Variants in TCF3 observed in about 807,000 individuals in gnomAD.
TCF3 encodes the protein transcription factor 3.
A neutral mutation model predicts 72.3 loss-of-function variants in TCF3; 54 were observed. That is an observed-to-expected ratio of 0.75 (90% CI 0.60 to 0.94). The LOEUF (loss-of-function observed/expected upper bound fraction) is 0.94. Ranked by LOEUF, TCF3 falls within the 40% of genes least tolerant of loss-of-function variation. TCF3 has a pLI of 0.00. For synonymous variants in TCF3, 525 were observed against 412.6 expected (o/e 1.27, Z -3.30); for missense variants, 1,078 against 934.4 (o/e 1.15, Z -2.00).
intron 13 of TCF3, 135 bp from the exon 14 acceptor site, chr19:1,619,988 C>G: frequency 1.3e-6 from 1 of 766,482 alleles, no homozygotes; most frequent in South Asian, 1.8e-5. Context: ...TTCCGGGGCA[C>G]CCCACACTGA....
At chr19:1,624,372 G>C (rs1401520276) in intron 7 of TCF3, among the ~76,000 whole-genome samples, 1 of 152,094 alleles carries the variant, frequency 6.6e-6, no homozygotes, top group Non-Finnish European at 1.5e-5. Flanking sequence ...CTCCAGCCTG[G>C]GGACAGAGAA....
Position 1,614,649 on chromosome 19 carries a change from G to A in TCF3, c.1822+636C>T, listed in dbSNP as rs117954123. On this transcript the variant is annotated intron_variant, in intron 18 of 18. Transcript: ENST00000262965. This position sits in a 1 kb window ranked among gnomAD's most constrained non-coding sequence, Gnocchi z 5.6. ...GAGAAAGGGTTAACGGGGTGCAGGC[G>A]AGGAAAGGAAGGAGTTAAGGAAGCA... 9.9e-3 allele frequency among the ~76,000 whole-genome samples: 1,509 copies of A among 152,292 alleles called. 42 individuals are homozygous for A. The highest frequency in any genetic ancestry group is 0.01 in the Non-Finnish European group (685 of 68,016).
At position 1,646,335 on chromosome 19, in the gene TCF3, G is replaced by C; in HGVS notation, c.145+20C>G. 6.5e-7 allele frequency: 1 copy of C among 1,549,530 alleles called. No homozygotes were observed. ...TGATCTCCTCACTCCACGAGCGCTG[G>C]CAGGAAGGCGGGGTCCTACCTGAAC... On this transcript the variant is annotated intron_variant, in intron 3 of 18. Transcript: ENST00000262965.
At chr19:1,650,691 A>T in intron 1 of TCF3, 1 of 236,068 alleles carries the variant, frequency 4.2e-6, no homozygotes, top group East Asian at 6.1e-5. Context: ...TACCCCCGGG[A>T]AAGGGAGGAA....
chr19:1,649,511 G>A (rs2066665650), intron 2 of TCF3, among the ~76,000 whole-genome samples: 1 of 152,220 alleles, frequency 6.6e-6, no homozygotes, highest in Admixed American at 6.5e-5. Context: ...CAGGGCTCAA[G>A]TGATTCTCCT....
At chr19:1,648,828 G>T (rs943821396) in intron 2 of TCF3, among the ~76,000 whole-genome samples, 38 of 151,678 alleles carry the variant, frequency 2.5e-4, no homozygotes, top group Non-Finnish European at 2.9e-4. Context: ...GGGGGGGGGG[G>T]GGGAGCAGAA....
Position 1,615,714 on chromosome 19 carries a change from CCTT to C in TCF3, c.1555_1557del (p.Lys519del), listed in dbSNP as rs745997653. On this transcript the variant is annotated inframe_deletion, in exon 17 of 19. Coordinates refer to ENST00000262965, the MANE Select transcript of TCF3 (RefSeq NM_003200.5). The surrounding 1 kb of genome is among the most constrained non-coding windows in gnomAD (Gnocchi z 7.3). Reference sequence around the variant, plus strand: ...GTCCGGGCCCGGGGGGCCTTCAGCTCCTTCTTCTCCTCCTCCGAGTGGTCAGCC... The same window carrying C: ...GTCCGGGCCCGGGGGGCCTTCAGCTCCTTCTCCTCCTCCGAGTGGTCAGCC... The C allele has an allele frequency of 1.6e-5, 26 of 1,613,422 alleles. 1 individual carries two copies. In the Admixed American group the frequency reaches 2.5e-4, roughly 16 times the overall value.
rs990075326 is a variant in TCF3, at chr19:1,614,690, G to A, written c.1822+595C>T. Among the ~76,000 whole-genome samples the A allele has an allele frequency of 1.9e-4, 29 of 152,242 alleles. No homozygotes were observed. The East Asian group carries it at 4.3e-3, about 22-fold the overall frequency. On this transcript the variant is annotated intron_variant, in intron 18 of 18. Transcript: ENST00000262965. The surrounding 1 kb of genome is among the most constrained non-coding windows in gnomAD (Gnocchi z 5.6). ...TAAGGAAGCAGCCGCCAGCGCCAGC[G>A]GGGGGAAGGAGTCAGCTCACATCTG...
At chr19:1,631,553 G>C (rs1000255203) in intron 5 of TCF3, among the ~76,000 whole-genome samples, 5 of 152,164 alleles carry the variant, frequency 3.3e-5, no homozygotes, top group Non-Finnish European at 7.4e-5. Context: ...ACAGGCGTGA[G>C]CCACCGAGCC....
At position 1,650,352 on chromosome 19, in the gene TCF3, G is replaced by C. The variant is rs537938285; in HGVS notation, c.-39-65C>G. The C allele has an allele frequency of 2.7e-5, 34 of 1,246,740 alleles. 1 individual carries two copies. In the South Asian group the frequency reaches 4.3e-4, roughly 16 times the overall value. The allele number at this position is 1,246,740 out of a possible 1,614,324, so 77.2% of individuals were successfully genotyped here. ...AGGGAGGGGAGAAGAGTTGTGAGTG[G>C]TCAAAGCACAGAGTGCTAAAAGCCA... On this transcript the variant is annotated intron_variant, in intron 1 of 18. Coordinates refer to ENST00000262965, the MANE Select transcript of TCF3 (RefSeq NM_003200.5).
At chr19:1,638,005 G>C (rs950246276) in intron 3 of TCF3, among the ~76,000 whole-genome samples, 1 of 152,222 alleles carries the variant, frequency 6.6e-6, no homozygotes. Context: ...CCTAAAAAAC[G>C]AGAAGACTGT....
intron 8 of TCF3, 49 bp from the exon 9 acceptor site, chr19:1,622,464 G>A (rs1002843518): frequency 1.3e-5 from 14 of 1,038,638 alleles, no homozygotes; most frequent in South Asian, 1.7e-5. Context: ...GAGGGACCAC[G>A]ATCAGCCCAT....
At position 1,632,013 on chromosome 19, in the gene TCF3, G is replaced by C. The variant is rs370845067; in HGVS notation, c.298+25C>G. 26 of 1,609,622 alleles carry C rather than the reference G, an allele frequency of 1.6e-5. No individual in the cohort carries two copies. The South Asian group carries it at 2.8e-4, about 17-fold the overall frequency. ...GTCTGCACATCTGTGCACAGCAGAGGGACCGCACCAGGCCAGGCACTCACC... is the reference window on the plus strand; with the variant it reads ...GTCTGCACATCTGTGCACAGCAGAGCGACCGCACCAGGCCAGGCACTCACC... On this transcript the variant is annotated intron_variant, in intron 5 of 18. Coordinates refer to ENST00000262965, the MANE Select transcript of TCF3 (RefSeq NM_003200.5).
At chr19:1,622,653 T>C (rs2062390929) in intron 8 of TCF3, among the ~76,000 whole-genome samples, 1 of 152,150 alleles carries the variant, frequency 6.6e-6, no homozygotes, top group Non-Finnish European at 1.5e-5. Context: ...TCCCTGAACT[T>C]CTGACCTTTG....
In TCF3 at chr19:1,614,283, A is replaced by T. The variant is rs2061329398; in HGVS notation, c.1822+1002T>A. ...CCCCTGGAGCCCAGGACAAGCGCAC[A>T]GACCAAACTGACAGGACCAGGGGCT... On this transcript the variant is annotated intron_variant, in intron 18 of 18. Coordinates refer to ENST00000262965, the MANE Select transcript of TCF3 (RefSeq NM_003200.5). This position sits in a 1 kb window ranked among gnomAD's most constrained non-coding sequence, Gnocchi z 5.6. Among the ~76,000 whole-genome samples, 1 of 152,250 alleles carries T rather than the reference A, an allele frequency of 6.6e-6. No homozygotes were observed. Among genetic ancestry groups the T allele is most frequent in the South Asian group, 2.1e-4 (1 of 4,834 alleles).
rs536077547 is a variant in TCF3 at position 1,609,295 on chromosome 19, G to A, written c.*2412C>T. ...AAGAACCCGGGGACTGCAGGGCATC[G>A]TTATAAAATGTCACGTTTATTGCTA... On this transcript the variant is annotated 3_prime_UTR_variant, in exon 19 of 19. Coordinates refer to ENST00000262965, the MANE Select transcript of TCF3 (RefSeq NM_003200.5). The A allele has an allele frequency of 3.3e-5, 6 of 183,338 alleles. No homozygotes were observed. Among genetic ancestry groups the A allele is most frequent in the African/African-American group, 9.4e-5 (4 of 42,510 alleles). 11.4% of individuals were successfully genotyped at this position (183,338 alleles called of 1,614,324 possible).
intron 13 of TCF3, 78 bp downstream of exon 13, chr19:1,620,890 C>T (rs2062112806): frequency 1.5e-6 from 2 of 1,330,256 alleles, no homozygotes; most frequent in South Asian, 3.5e-5. Flanking sequence ...CCCCGCAAAG[C>T]CTTCACAGAC....
Position 1,611,480 on chromosome 19 carries a change from G to A in TCF3, c.*227C>T, listed in dbSNP as rs1190987447. On this transcript the variant is annotated 3_prime_UTR_variant, in exon 19 of 19. Coordinates refer to ENST00000262965, the MANE Select transcript of TCF3 (RefSeq NM_003200.5). Reference sequence around the variant, plus strand: ...CACGGTGGCTGAGATTCGGGGACAGGGGGAGCGAGGCCAGTGAGTGGTAGG... The same window carrying A: ...CACGGTGGCTGAGATTCGGGGACAGAGGGAGCGAGGCCAGTGAGTGGTAGG... 3 of 510,296 alleles carry A rather than the reference G, an allele frequency of 5.9e-6. No individual in the cohort carries two copies. Among genetic ancestry groups the A allele is most frequent in the South Asian group, 3.4e-5 (1 of 29,024 alleles). The allele number at this position is 510,296 out of a possible 1,614,324, so 31.6% of individuals were successfully genotyped here.
chr19:1,645,634 T>G (rs995757282), intron 3 of TCF3, among the ~76,000 whole-genome samples: 1 of 152,214 alleles, frequency 6.6e-6, no homozygotes, highest in African/African-American at 2.4e-5. Context: ...AGGTCCCGCT[T>G]TGGGGCAACC....
Sources: gnomAD v4.1 joint callset for allele counts (sites outside exome capture counted in the v4.1 genomes callset) on GRCh38, gnomAD v4.1.1 for gene constraint, Gnocchi (gnomAD v3.1) non-coding constraint, MANE v1.5 for transcripts, NCBI Gene and HGNC (gene_info 2026-07-23, HGNC 2026-07-21) for gene names.